The following EYS variants were observed in gnomAD, a reference collection of about 807,000 sequenced individuals.
EYS encodes protein eyes shut homolog.
Under a neutral mutation model 282.1 loss-of-function variants are expected in EYS, and 250 were observed. The observed-to-expected ratio is 0.89, with a 90% CI of 0.80 to 0.98. EYS has a LOEUF of 0.98. Among genes scored for constraint, EYS ranks in the 50% least tolerant of loss-of-function variants. The pLI is 0.00. For synonymous variants in EYS, 1,355 were observed against 1,282.9 expected, an observed-to-expected ratio of 1.06 and a Z score of -1.20; for missense variants, 4,016 against 3,709.0, an observed-to-expected ratio of 1.08 and a Z score of -2.15.
In EYS at chr6:65,636,495, G is replaced by T. The variant is rs545784122; in HGVS notation, c.-333+3283C>A. On this transcript the variant is annotated intron_variant, in intron 2 of 42. Coordinates refer to ENST00000503581, the MANE Select transcript of EYS (RefSeq NM_001142800.2). ...GATATCTCTTCTCTTGCAAATTTCT[G>T]CTCAAATTTGATTACCTCAGTGAGC... Among the ~76,000 whole-genome samples, 232 of 152,176 alleles carry T rather than the reference G, an allele frequency of 1.5e-3. 1 individual carries two copies. The highest frequency in any genetic ancestry group is 2.3e-3 in the Admixed American group (35 of 15,276).
At chr6:64,557,851 C>T (rs1393671998) in intron 26 of EYS, among the ~76,000 whole-genome samples, 3 of 151,660 alleles carry the variant, frequency 2.0e-5, no homozygotes, top group African/African-American at 7.3e-5. Flanking sequence ...TCCATGGCTG[C>T]TTTCATACTA....
At chr6:65,539,902 C>T (rs1409451444) in intron 2 of EYS, among the ~76,000 whole-genome samples, 1 of 152,152 alleles carries the variant, frequency 6.6e-6, no homozygotes, top group Non-Finnish European at 1.5e-5. Flanking sequence ...GATGTGTAAG[C>T]TCAAGACCAT....
chr6:63,881,385 T>C (rs548657679), intron 35 of EYS, among the ~76,000 whole-genome samples: 2 of 152,216 alleles, frequency 1.3e-5, no homozygotes, highest in Middle Eastern at 3.2e-3. Flanking sequence ...AGAGAGGTTA[T>C]GGCATGGAGC....
chr6:65,603,753 C>CT (rs35863502), intron 2 of EYS, among the ~76,000 whole-genome samples: 1 of 151,662 alleles, frequency 6.6e-6, no homozygotes, highest in African/African-American at 2.4e-5. Context: ...GTTTCTATTC[C>CT]TTTTTTTCCC....
At chr6:64,580,604 T>C (rs567883532) in intron 26 of EYS, among the ~76,000 whole-genome samples, 1 of 152,236 alleles carries the variant, frequency 6.6e-6, no homozygotes, top group South Asian at 2.1e-4. Context: ...AATATACTAG[T>C]TGGAATGCTT....
At chr6:65,364,251 T>TC (rs1251492559) in intron 8 of EYS, among the ~76,000 whole-genome samples, 1 of 150,698 alleles carries the variant, frequency 6.6e-6, no homozygotes, top group African/African-American at 2.4e-5. Flanking sequence ...CTAAATGTTT[T>TC]TTTTTTCAAT....
chr6:63,787,520 T>C (rs1770396549), intron 39 of EYS: 1 of 152,280 alleles, frequency 6.6e-6, no homozygotes, highest in Non-Finnish European at 1.5e-5. Flanking sequence ...CCCATTGAAC[T>C]TATCACATTA....
chr6:64,740,513 A>C (rs2149960550), intron 22 of EYS, among the ~76,000 whole-genome samples: 1 of 152,200 alleles, frequency 6.6e-6, no homozygotes, highest in South Asian at 2.1e-4. Flanking sequence ...TTTGGTACCT[A>C]AGCAAACCTA....
chr6:64,449,953 G>A (rs938684646), intron 26 of EYS, among the ~76,000 whole-genome samples: 2 of 152,006 alleles, frequency 1.3e-5, no homozygotes, highest in African/African-American at 4.8e-5. Context: ...ACCAACTAAC[G>A]AGCAAAATAA....
chr6:64,486,029 G>T (rs764281949), intron 26 of EYS, among the ~76,000 whole-genome samples: 12 of 151,406 alleles, frequency 7.9e-5, no homozygotes, highest in Non-Finnish European at 1.5e-4. Context: ...TATTTAAAAA[G>T]TATTGTTTTT....
At chr6:64,459,796 G>A (rs1212083928) in intron 26 of EYS, among the ~76,000 whole-genome samples, 1 of 152,128 alleles carries the variant, frequency 6.6e-6, no homozygotes, top group Non-Finnish European at 1.5e-5. Flanking sequence ...GATTGAGGGT[G>A]GGTCTGTCTC....
chr6:64,232,302 T>C (rs1219747891), intron 30 of EYS, among the ~76,000 whole-genome samples: 2 of 152,082 alleles, frequency 1.3e-5, no homozygotes, highest in Admixed American at 6.6e-5. Flanking sequence ...GCTTGATCTC[T>C]AGTAGGCTCT....
At chr6:63,738,211 A>G (rs1365986995) in intron 41 of EYS, among the ~76,000 whole-genome samples, 1 of 152,150 alleles carries the variant, frequency 6.6e-6, no homozygotes, top group Non-Finnish European at 1.5e-5. Context: ...TAGAAATACC[A>G]TTTGACCCAG....
intron 12 of EYS, among the ~76,000 whole-genome samples, chr6:65,089,760 C>G (rs1043434815): frequency 6.6e-6 from 1 of 151,674 alleles, no homozygotes; most frequent in Non-Finnish European, 1.5e-5. Context: ...TTGAGATCAG[C>G]CCAGCCAACA....
chr6:65,608,301 GA>G (rs934078390), intron 2 of EYS, among the ~76,000 whole-genome samples: 1 of 151,924 alleles, frequency 6.6e-6, no homozygotes, highest in African/African-American at 2.4e-5. Flanking sequence ...ATTTAAACAG[GA>G]AAAGGTATGG....
At chr6:64,754,582 C>A (rs1772871872) in intron 22 of EYS, among the ~76,000 whole-genome samples, 1 of 152,032 alleles carries the variant, frequency 6.6e-6, no homozygotes, top group African/African-American at 2.4e-5. Flanking sequence ...ATACAAAAAT[C>A]TTCAATAAAA....
chr6:64,860,683 G>A (rs1375429331), intron 19 of EYS, among the ~76,000 whole-genome samples: 3 of 152,238 alleles, frequency 2.0e-5, no homozygotes, highest in African/African-American at 7.2e-5. Context: ...AACATGGTGA[G>A]CAAGGGGTGT....
intron 22 of EYS, among the ~76,000 whole-genome samples, chr6:64,784,506 T>C (rs1219513970): frequency 6.6e-6 from 1 of 152,196 alleles, no homozygotes; most frequent in African/African-American, 2.4e-5. Context: ...GAATTTAAGA[T>C]TTCTGAGGGC....
chr6:63,763,878 A>G (rs926076384), intron 40 of EYS, among the ~76,000 whole-genome samples: 2 of 134,666 alleles, frequency 1.5e-5, no homozygotes, highest in Admixed American at 1.5e-4. Context: ...TGTTATATAT[A>G]TATATATATA....
Sources: gnomAD v4.1 joint callset for allele counts (sites outside exome capture counted in the v4.1 genomes callset) on GRCh38, gnomAD v4.1.1 for gene constraint, MANE v1.5 for transcripts, NCBI Gene and HGNC (gene_info 2026-07-23, HGNC 2026-07-21) for gene names.